The following ASPRV1 variants were observed in gnomAD, a reference collection of about 807,000 sequenced individuals.
ASPRV1 encodes retroviral-like aspartic protease 1.
Under a neutral mutation model 11.0 loss-of-function variants are expected in ASPRV1, and 7 were observed. The ratio of observed to expected loss-of-function variants is 0.64; its 90% CI spans 0.36 to 1.20. The LOEUF (loss-of-function observed/expected upper bound fraction) is 1.20. ASPRV1 is among the 50% of genes most tolerant of loss of function. The probability of loss-of-function intolerance (pLI) is 0.02; values close to 1 mark genes in which losing one functional copy is unlikely to be tolerated. For synonymous variants in ASPRV1, 136 were observed against 138.4 expected, an observed-to-expected ratio of 0.98 and a Z score of 0.12; for missense variants, 299 against 320.0, an observed-to-expected ratio of 0.93 and a Z score of 0.50.
chr2:70,007,160 A>T, the ASPRV1 span, among the ~76,000 whole-genome samples: 2 of 152,252 alleles, frequency 1.3e-5, no homozygotes, highest in Admixed American at 1.3e-4. Context: ...TCATTGGTTA[A>T]ATACATGTGA....
upstream of ASPRV1, chr2:69,964,402 G>A: frequency 2.3e-6 from 1 of 444,162 alleles, no homozygotes; most frequent in Middle Eastern, 3.3e-4. Flanking sequence ...ATCAGCCTCT[G>A]GCCGAGTCTG....
At chr2:69,964,290 T>G (rs1433489097), upstream of ASPRV1, 4 of 444,856 alleles carry the variant, frequency 9.0e-6, no homozygotes, top group South Asian at 6.4e-5. Flanking sequence ...TTGAGGCAGA[T>G]GGCCCTTCGG....
chr2:70,072,896 TA>T, the ASPRV1 span, among the ~76,000 whole-genome samples: 344 of 70,334 alleles, frequency 4.9e-3, 1 homozygote, highest in African/African-American at 9.7e-3. Flanking sequence ...TATAAAAAAC[TA>T]AAAAAAAAAA....
At chr2:69,970,436 T>C in the ASPRV1 span, among the ~76,000 whole-genome samples, 6 of 152,102 alleles carry the variant, frequency 3.9e-5, no homozygotes, top group East Asian at 1.9e-4. Context: ...GCTCTACCTA[T>C]ACAAAATGGC....
At chr2:70,032,715 T>C in the ASPRV1 span, among the ~76,000 whole-genome samples, 1 of 152,198 alleles carries the variant, frequency 6.6e-6, no homozygotes, top group Admixed American at 6.5e-5. Context: ...CCCAAGACTT[T>C]GTGTAAGACT....
the ASPRV1 span, among the ~76,000 whole-genome samples, chr2:69,987,825 C>T: frequency 6.6e-6 from 1 of 152,184 alleles, no homozygotes; most frequent in Non-Finnish European, 1.5e-5. Flanking sequence ...TCTTTGGACC[C>T]TGTGTGGGTA....
At chr2:70,010,146 T>G in the ASPRV1 span, among the ~76,000 whole-genome samples, 1 of 152,128 alleles carries the variant, frequency 6.6e-6, no homozygotes, top group Admixed American at 6.5e-5. Context: ...ACCCTGGGGA[T>G]GCCCAAAATG....
chr2:69,995,251 T>G, the ASPRV1 span: 1 of 151,096 alleles, frequency 6.6e-6, no homozygotes, highest in Admixed American at 6.6e-5. Context: ...TAGCCAGGCG[T>G]GGTGACGGGC....
At chr2:70,085,901 A>T in the ASPRV1 span, 1 of 152,224 alleles carries the variant, frequency 6.6e-6, no homozygotes, top group Non-Finnish European at 1.5e-5. Context: ...CATGCTAGGA[A>T]GTCTAGAAAA....
the ASPRV1 span, among the ~76,000 whole-genome samples, chr2:70,076,440 G>C: frequency 6.6e-6 from 1 of 152,166 alleles, no homozygotes; most frequent in Non-Finnish European, 1.5e-5. Flanking sequence ...CTGACATTTG[G>C]TAAGCACTTT....
chr2:69,965,865 A>G (rs1393046594), upstream of ASPRV1, among the ~76,000 whole-genome samples: 1 of 152,200 alleles, frequency 6.6e-6, no homozygotes, highest in Non-Finnish European at 1.5e-5. Context: ...CCAGTAGGCC[A>G]GTGTCACCGC....
At chr2:70,034,016 A>C in the ASPRV1 span, among the ~76,000 whole-genome samples, 4 of 151,170 alleles carry the variant, frequency 2.6e-5, no homozygotes, top group East Asian at 2.0e-4. Context: ...TAGCCGGGCG[A>C]GGTGGTGGGC....
the ASPRV1 span, among the ~76,000 whole-genome samples, chr2:70,010,778 T>C: frequency 6.6e-6 from 1 of 152,124 alleles, no homozygotes. Context: ...TCAAAACTTC[T>C]AGGGGTTCCC....
At chr2:69,957,273 G>A (rs1677960393), downstream of ASPRV1, among the ~76,000 whole-genome samples, 1 of 151,908 alleles carries the variant, frequency 6.6e-6, no homozygotes, top group African/African-American at 2.4e-5. Context: ...GATTTTCAAA[G>A]GTTCCTATAT....
chr2:69,974,571 A>G, the ASPRV1 span, among the ~76,000 whole-genome samples: 1 of 152,202 alleles, frequency 6.6e-6, no homozygotes, highest in African/African-American at 2.4e-5. Context: ...TTCCTTGAGC[A>G]GGGCCCTCAA....
At chr2:70,019,207 T>G in the ASPRV1 span, 1 of 152,190 alleles carries the variant, frequency 6.6e-6, no homozygotes, top group Non-Finnish European at 1.5e-5. Context: ...TTCAAAACAA[T>G]GACATATCAC....
chr2:70,086,651 C>T, the ASPRV1 span, among the ~76,000 whole-genome samples: 3 of 152,242 alleles, frequency 2.0e-5, no homozygotes, highest in African/African-American at 4.8e-5. Flanking sequence ...GAGGCCTCCA[C>T]AGGCGTACAC....
chr2:69,986,218 G>T, the ASPRV1 span, among the ~76,000 whole-genome samples: 3 of 152,182 alleles, frequency 2.0e-5, no homozygotes, highest in Non-Finnish European at 4.4e-5. Flanking sequence ...AGAAAGCTCT[G>T]CCCTCAGGTA....
chr2:69,982,902 G>T, the ASPRV1 span, among the ~76,000 whole-genome samples: 1 of 152,120 alleles, frequency 6.6e-6, no homozygotes, highest in Non-Finnish European at 1.5e-5. Context: ...ACCCTGTGGG[G>T]GCCTCTGGAA....
Sources: gnomAD v4.1 joint callset for allele counts (sites outside exome capture counted in the v4.1 genomes callset) on GRCh38, gnomAD v4.1.1 for gene constraint, MANE v1.5 for transcripts, NCBI Gene and HGNC (gene_info 2026-07-23, HGNC 2026-07-21) for gene names.